Variants in CTNNBL1 observed in about 807,000 individuals in gnomAD.
CTNNBL1 encodes the protein catenin beta like 1.
CTNNBL1 carries 31 observed loss-of-function variants against 72.7 expected under a neutral mutation model. The observed-to-expected ratio is 0.43, with a 90% confidence interval of 0.32 to 0.58. The LOEUF is 0.58. Among genes scored for constraint, CTNNBL1 ranks in the 20% least tolerant of loss-of-function variants. CTNNBL1 has a pLI of 0.08. For synonymous variants in CTNNBL1, 240 were observed against 267.3 expected, an observed-to-expected ratio of 0.90 and a Z score of 1.00; for missense variants, 534 against 725.1, an observed-to-expected ratio of 0.74 and a Z score of 3.03.
At chr20:37,849,844 C>T (rs1046807082) in intron 13 of CTNNBL1, among the ~76,000 whole-genome samples, 1 of 152,252 alleles carries the variant, frequency 6.6e-6, no homozygotes, top group Non-Finnish European at 1.5e-5. Flanking sequence ...CTTAAACTCT[C>T]TGCTTCAGTT....
chr20:37,716,319 A>G (rs2072985741), intron 1 of CTNNBL1, among the ~76,000 whole-genome samples: 1 of 152,164 alleles, frequency 6.6e-6, no homozygotes, highest in African/African-American at 2.4e-5. Flanking sequence ...GAATGTTGTG[A>G]TGGTGTGGAT....
At chr20:37,746,324 G>C in intron 3 of CTNNBL1, 144 bp from the exon 4 acceptor site, 1 of 777,194 alleles carries the variant, frequency 1.3e-6, no homozygotes, top group East Asian at 2.5e-5. Context: ...TTGTGTGACA[G>C]TATGATGTTT....
At chr20:37,715,372 A>G (rs1333443112) in intron 1 of CTNNBL1, among the ~76,000 whole-genome samples, 1 of 152,244 alleles carries the variant, frequency 6.6e-6, no homozygotes, top group Non-Finnish European at 1.5e-5. Context: ...TGTGAAGGTT[A>G]AAAAGATAAT....
At chr20:37,763,696 C>A (rs1295157045) in intron 5 of CTNNBL1, among the ~76,000 whole-genome samples, 1 of 152,108 alleles carries the variant, frequency 6.6e-6, no homozygotes, top group Non-Finnish European at 1.5e-5. Context: ...CTTCTTTTTT[C>A]TCCCTCCATT....
intron 15 of CTNNBL1, among the ~76,000 whole-genome samples, chr20:37,864,572 G>A (rs1010185183): frequency 2.0e-5 from 3 of 152,162 alleles, no homozygotes; most frequent in Non-Finnish European, 2.9e-5. Flanking sequence ...TCTGCACACT[G>A]CTTACTCAGT....
intron 11 of CTNNBL1, among the ~76,000 whole-genome samples, chr20:37,822,829 A>G (rs2072120954): frequency 6.6e-6 from 1 of 152,226 alleles, no homozygotes. Context: ...GAGAAAGAGT[A>G]TATGAAGCAC....
intron 10 of CTNNBL1, among the ~76,000 whole-genome samples, chr20:37,788,547 T>A (rs191953568): frequency 1.3e-5 from 2 of 152,302 alleles, no homozygotes; most frequent in East Asian, 3.9e-4. Flanking sequence ...CATAGTGTGT[T>A]GTAATCCTGA....
intron 8 of CTNNBL1, 22 bp downstream of exon 8, chr20:37,777,439 G>T: frequency 1.2e-6 from 2 of 1,609,244 alleles, no homozygotes; most frequent in Non-Finnish European, 8.5e-7. Context: ...TCTCAGTATT[G>T]ATATTCTGTT....
At chr20:37,755,703 T>C (rs146977230) in intron 4 of CTNNBL1, among the ~76,000 whole-genome samples, 1 of 152,356 alleles carries the variant, frequency 6.6e-6, no homozygotes, top group Non-Finnish European at 1.5e-5. Flanking sequence ...CTTGTTCTTA[T>C]ATTCTGCATC....
chr20:37,851,745 G>A lies in CTNNBL1; in HGVS notation c.1393-8154G>A, dbSNP rs537085217. On this transcript the variant is annotated intron_variant, in intron 13 of 15. Coordinates refer to ENST00000361383, the MANE Select transcript of CTNNBL1 (RefSeq NM_030877.5). Reference sequence around the variant, plus strand: ...AGTTTTTACCTCTTGGAGTTCTTGCGAGGAAAAATGAGAAATCCGTGAAAG... The same window carrying A: ...AGTTTTTACCTCTTGGAGTTCTTGCAAGGAAAAATGAGAAATCCGTGAAAG... 1.2e-4 allele frequency among the ~76,000 whole-genome samples: 19 copies of A among 152,316 alleles called. No homozygotes were observed. In the South Asian group the frequency reaches 3.3e-3, roughly 27 times the overall value.
chr20:37,832,013 C>G (rs6021221), intron 11 of CTNNBL1, among the ~76,000 whole-genome samples: 9 of 152,320 alleles, frequency 5.9e-5, no homozygotes, highest in African/African-American at 2.2e-4. Context: ...CTTCAACTTA[C>G]TAGTAAATAG....
intron 10 of CTNNBL1, among the ~76,000 whole-genome samples, chr20:37,798,275 T>G (rs1327396739): frequency 6.6e-6 from 1 of 152,184 alleles, no homozygotes; most frequent in Admixed American, 6.5e-5. Context: ...TAAAGAAGAA[T>G]AAGCTAATTA....
intron 11 of CTNNBL1, among the ~76,000 whole-genome samples, chr20:37,806,448 C>T (rs1248446907): frequency 6.6e-6 from 1 of 152,176 alleles, no homozygotes; most frequent in Non-Finnish European, 1.5e-5. Context: ...CAGTCTGTGG[C>T]GTGTACTAAA....
intron 10 of CTNNBL1, among the ~76,000 whole-genome samples, chr20:37,792,591 A>C (rs1470779152): frequency 6.6e-6 from 1 of 152,234 alleles, no homozygotes; most frequent in South Asian, 2.1e-4. Context: ...TTCAAAGGAA[A>C]TGCTCGTTGG....
chr20:37,792,757 A>G (rs2073737200), intron 10 of CTNNBL1, among the ~76,000 whole-genome samples: 1 of 152,204 alleles, frequency 6.6e-6, no homozygotes. Flanking sequence ...CCCCTAAGGG[A>G]TACTCAACCT....
At chr20:37,739,121 T>TA (rs989646033) in intron 3 of CTNNBL1, among the ~76,000 whole-genome samples, 7 of 150,784 alleles carry the variant, frequency 4.6e-5, no homozygotes, top group Admixed American at 4.6e-4. Context: ...TGTGTGTAAT[T>TA]ACACAAGTAA....
rs762029360 is a variant in CTNNBL1, at chr20:37,860,249, C to T, written c.1531-23C>T. 3 of 1,602,836 alleles carry T rather than the reference C, an allele frequency of 1.9e-6. No individual in the cohort carries two copies. In the East Asian group the frequency reaches 6.7e-5, roughly 36 times the overall value. The stretch of plus-strand genomic sequence containing the variant: ...AGGACAAATGGTTGTCTTTCTTTCT[C>T]TACCCATTTTTTCCCTTATTAGATT... On this transcript the variant is annotated intron_variant, in intron 14 of 15. Transcript: ENST00000361383.
In CTNNBL1 at chr20:37,732,992, G is replaced by T; in HGVS notation, c.144G>T (p.Val48=). The T allele has an allele frequency of 1.2e-6, 2 of 1,614,036 alleles. No homozygotes were observed. The highest frequency in any genetic ancestry group is 3.3e-5 in the Admixed American group (2 of 60,014). ...RGRYREEEMT[V]VEEADDDKKR... Reference sequence around the variant, plus strand: ...GCTATCGGGAAGAAGAAATGACTGTGGTGGAGGAAGCGGATGATGACAAAA... The same window carrying T: ...GCTATCGGGAAGAAGAAATGACTGTTGTGGAGGAAGCGGATGATGACAAAA... Residue 48 remains valine, a synonymous_variant, in exon 2 of 16, where the codon GTG becomes GTT. Transcript: ENST00000361383.
intron 14 of CTNNBL1, 34 bp downstream of exon 14, chr20:37,860,070 T>G: frequency 6.2e-7 from 1 of 1,607,398 alleles, no homozygotes; most frequent in South Asian, 1.1e-5. Context: ...GGCTTATCCA[T>G]CCCTGCCTCC....
Sources: gnomAD v4.1 joint callset for allele counts (sites outside exome capture counted in the v4.1 genomes callset) on GRCh38, gnomAD v4.1.1 for gene constraint, MANE v1.5 for transcripts, NCBI Gene and HGNC (gene_info 2026-07-23, HGNC 2026-07-21) for gene names.